ME1: variants seen among roughly 807,000 people sequenced by gnomAD.
ME1 encodes the protein NADP-dependent malic enzyme.
ME1 carries 74 observed loss-of-function variants against 66.4 expected under a neutral mutation model. The ratio of observed to expected loss-of-function variants is 1.11; its 90% confidence interval spans 0.92 to 1.35. The LOEUF (loss-of-function observed/expected upper bound fraction) is 1.35, where lower values mean the gene tolerates loss of function less well. Among genes scored for constraint, ME1 ranks in the 40% most tolerant of loss-of-function variants. The pLI is 0.00. For synonymous variants in ME1, 251 were observed against 235.6 expected, an observed-to-expected ratio of 1.07 and a Z score of -0.60; for missense variants, 750 against 694.1, an observed-to-expected ratio of 1.08 and a Z score of -0.90.
chr6:83,369,223 C>A (rs1001907294), intron 3 of ME1, among the ~76,000 whole-genome samples: 2 of 152,118 alleles, frequency 1.3e-5, no homozygotes, highest in Admixed American at 6.6e-5. Flanking sequence ...ACCTAACTAA[C>A]TGTTGGTAGC....
At chr6:83,276,206 C>T (rs1476164391) in intron 6 of ME1, among the ~76,000 whole-genome samples, 3 of 152,092 alleles carry the variant, frequency 2.0e-5, no homozygotes, top group Non-Finnish European at 2.9e-5. Context: ...GTCCAAGAAC[C>T]AACTTTGAAT....
intron 6 of ME1, among the ~76,000 whole-genome samples, chr6:83,290,874 A>G (rs988134247): frequency 1.3e-5 from 2 of 152,108 alleles, no homozygotes; most frequent in Non-Finnish European, 2.9e-5. Context: ...ACCATTATGT[A>G]ATGGCCTTGT....
At chr6:83,427,581 G>A (rs1033572327) in intron 1 of ME1, among the ~76,000 whole-genome samples, 1 of 152,118 alleles carries the variant, frequency 6.6e-6, no homozygotes, top group African/African-American at 2.4e-5. Context: ...CACTTTAAAA[G>A]CTGAGTTCTG....
intron 4 of ME1, among the ~76,000 whole-genome samples, chr6:83,346,716 T>G (rs1370652027): frequency 6.6e-6 from 1 of 152,178 alleles, no homozygotes; most frequent in Non-Finnish European, 1.5e-5. Context: ...GCATAGTTAC[T>G]GAAGAGATTG....
chr6:83,250,200 C>A (rs1246000962), intron 7 of ME1, among the ~76,000 whole-genome samples: 1 of 149,774 alleles, frequency 6.7e-6, no homozygotes, highest in Non-Finnish European at 1.5e-5. Flanking sequence ...TTTCCTCAAA[C>A]TTCCAATCCT....
chr6:83,385,970 C>T (rs1321535974), intron 3 of ME1, among the ~76,000 whole-genome samples: 1 of 151,746 alleles, frequency 6.6e-6, no homozygotes, highest in African/African-American at 2.4e-5. Flanking sequence ...ACTACAAAAT[C>T]AACTGAGGTA....
chr6:83,217,019 T>C (rs1790006292), intron 12 of ME1, among the ~76,000 whole-genome samples: 1 of 152,200 alleles, frequency 6.6e-6, no homozygotes, highest in Non-Finnish European at 1.5e-5. Flanking sequence ...CTGAGTCATA[T>C]TCTTGTGCAG....
At chr6:83,363,201 T>C (rs1406892573) in intron 3 of ME1, among the ~76,000 whole-genome samples, 2 of 152,174 alleles carry the variant, frequency 1.3e-5, no homozygotes, top group Non-Finnish European at 2.9e-5. Flanking sequence ...GATTACGTTC[T>C]GCTGGCCTAG....
chr6:83,311,831 G>T (rs560554221), intron 6 of ME1, among the ~76,000 whole-genome samples: 2 of 152,228 alleles, frequency 1.3e-5, no homozygotes, highest in African/African-American at 4.8e-5. Context: ...AGTGGGGTGT[G>T]TGTGGCTAAC....
At chr6:83,257,795 T>C (rs1431827497) in intron 6 of ME1, among the ~76,000 whole-genome samples, 1 of 152,206 alleles carries the variant, frequency 6.6e-6, no homozygotes, top group Non-Finnish European at 1.5e-5. Context: ...GTGCTTGTAA[T>C]GGCTCTTCTA....
At chr6:83,424,918 C>G (rs1220748886) in intron 1 of ME1, among the ~76,000 whole-genome samples, 1 of 152,142 alleles carries the variant, frequency 6.6e-6, no homozygotes, top group African/African-American at 2.4e-5. Flanking sequence ...TAAATATATT[C>G]TAAGCTTAAA....
chr6:83,240,744 T>C (rs1437394921), intron 7 of ME1, among the ~76,000 whole-genome samples: 1 of 152,156 alleles, frequency 6.6e-6, no homozygotes, highest in Non-Finnish European at 1.5e-5. Context: ...GACACAACGA[T>C]GAAGCGTTAT....
At chr6:83,265,792 C>T (rs1205814689) in intron 6 of ME1, among the ~76,000 whole-genome samples, 1 of 152,206 alleles carries the variant, frequency 6.6e-6, no homozygotes, top group African/African-American at 2.4e-5. Flanking sequence ...GATGCTGCAA[C>T]TGCTCAACTA....
chr6:83,277,858 C>T (rs1355488638), intron 6 of ME1, among the ~76,000 whole-genome samples: 6 of 147,574 alleles, frequency 4.1e-5, no homozygotes, highest in Admixed American at 1.4e-4. Context: ...GCTGAGATCG[C>T]ACCATTGCAC....
intron 11 of ME1, among the ~76,000 whole-genome samples, chr6:83,224,137 C>T (rs1790143225): frequency 1.3e-5 from 2 of 152,124 alleles, no homozygotes; most frequent in South Asian, 4.1e-4. Flanking sequence ...TATTCTCTGT[C>T]TTACTCTTTA....
At chr6:83,247,126 A>C (rs750249783) in intron 7 of ME1, among the ~76,000 whole-genome samples, 1 of 152,140 alleles carries the variant, frequency 6.6e-6, no homozygotes, top group African/African-American at 2.4e-5. Flanking sequence ...AAATACTAAC[A>C]AGTCAAACTA....
intron 1 of ME1, among the ~76,000 whole-genome samples, chr6:83,416,390 T>C (rs1234969350): frequency 6.6e-6 from 1 of 152,170 alleles, no homozygotes; most frequent in South Asian, 2.1e-4. Flanking sequence ...TAAGAATCAG[T>C]TTTCAGAGAC....
intron 1 of ME1, among the ~76,000 whole-genome samples, chr6:83,429,744 G>A (rs1770445743): frequency 6.6e-6 from 1 of 152,140 alleles, no homozygotes; most frequent in Non-Finnish European, 1.5e-5. Context: ...AATAAATCAT[G>A]TCTTTAAGTC....
At chr6:83,313,371 A>T (rs1144182) in intron 6 of ME1, among the ~76,000 whole-genome samples, 51,483 of 151,966 alleles carry the variant, frequency 0.34, 9,112 homozygotes, top group Middle Eastern at 0.5. Context: ...ACAAAGAACT[A>T]AGGTAACTCC....
Sources: gnomAD v4.1 joint callset for allele counts (sites outside exome capture counted in the v4.1 genomes callset) on GRCh38, gnomAD v4.1.1 for gene constraint, MANE v1.5 for transcripts, NCBI Gene and HGNC (gene_info 2026-07-23, HGNC 2026-07-21) for gene names.